PCDHA4: variants seen among roughly 807,000 people sequenced by gnomAD.
PCDHA4 encodes the protein protocadherin alpha 4, also known as protocadherin alpha-4.
Under a neutral mutation model 61.4 loss-of-function variants are expected in PCDHA4, and 49 were observed. That is an observed-to-expected ratio of 0.80 (90% CI 0.63 to 1.01). The LOEUF (loss-of-function observed/expected upper bound fraction) is 1.01. PCDHA4 is among the 50% of genes least tolerant of loss of function. PCDHA4 has a pLI of 0.00. For synonymous variants in PCDHA4, 590 were observed against 550.3 expected (o/e 1.07, Z -1.01); for missense variants, 1,254 against 1,235.8 (o/e 1.01, Z -0.22).
intron 3 of PCDHA4, among the ~76,000 whole-genome samples, chr5:141,006,808 A>T (rs576819521): frequency 1.3e-5 from 2 of 152,322 alleles, no homozygotes; most frequent in East Asian, 3.9e-4. Flanking sequence ...TTCTGGCTTG[A>T]GAAATGGGGT....
intron 3 of PCDHA4, among the ~76,000 whole-genome samples, chr5:140,997,728 A>G (rs1376007377): frequency 6.6e-6 from 1 of 152,030 alleles, no homozygotes; most frequent in Non-Finnish European, 1.5e-5. Flanking sequence ...ACGTCAGTAC[A>G]TATAGATTTG....
chr5:141,002,918 GAACACCCTCC>G (rs1554258833), intron 3 of PCDHA4, among the ~76,000 whole-genome samples: 1 of 152,192 alleles, frequency 6.6e-6, no homozygotes, highest in Non-Finnish European at 1.5e-5. Flanking sequence ...TCAGAAAAGT[GAACACCCTCC>G]AACACCCTCC....
Position 140,807,427 on chromosome 5 carries a change from G to A in PCDHA4, c.240G>A (p.Gln80=). Residue 80 remains glutamine (Q), a synonymous_variant, in exon 1 of 4, where the codon CAG becomes CAA. Transcript: ENST00000530339. ...GRGGLLEVNL[Q]NGILFVNSRI... ...GAGGCCTTCTGGAGGTAAATCTGCA[G>A]AATGGCATTTTGTTTGTGAATTCTC... 1 of 1,596,236 alleles carries A rather than the reference G, an allele frequency of 6.3e-7. No homozygotes were observed. Among genetic ancestry groups the A allele is most frequent in the Non-Finnish European group, 8.5e-7 (1 of 1,173,108 alleles).
At chr5:140,915,096 C>T (rs530875134) in intron 1 of PCDHA4, among the ~76,000 whole-genome samples, 1 of 152,060 alleles carries the variant, frequency 6.6e-6, no homozygotes, top group Admixed American at 6.5e-5. Context: ...TGGGCACGCA[C>T]CACCACAACA....
At chr5:140,930,553 A>C (rs1252554591) in intron 1 of PCDHA4, 1 of 152,562 alleles carries the variant, frequency 6.6e-6, no homozygotes, top group Non-Finnish European at 1.5e-5. Flanking sequence ...TTAGGACAAC[A>C]TTTTGAAGCA....
intron 1 of PCDHA4, among the ~76,000 whole-genome samples, chr5:140,846,706 T>C (rs1780634122): frequency 6.7e-6 from 1 of 149,360 alleles, no homozygotes. Context: ...GAGAAGATTG[T>C]AATAACCAGT....
intron 1 of PCDHA4, among the ~76,000 whole-genome samples, chr5:140,887,453 T>C (rs2061454477): frequency 6.6e-6 from 1 of 152,178 alleles, no homozygotes; most frequent in Non-Finnish European, 1.5e-5. Flanking sequence ...TGACAGTTTT[T>C]TAAAAGATAT....
chr5:140,829,740 C>T (rs2150173718), intron 1 of PCDHA4: 2 of 1,613,670 alleles, frequency 1.2e-6, no homozygotes, highest in South Asian at 1.1e-5. Context: ...AGCAACGTGA[C>T]GCTGCAGGTG....
intron 1 of PCDHA4, among the ~76,000 whole-genome samples, chr5:140,854,874 G>A (rs1554147476): frequency 6.7e-6 from 1 of 149,752 alleles, no homozygotes; most frequent in African/African-American, 2.4e-5. Context: ...TCAGAACTGT[G>A]TCTTTTGGGC....
At position 140,937,140 on chromosome 5, in the gene PCDHA4, C is replaced by T. The variant is rs553273845; in HGVS notation, c.2386-41809C>T. Among the ~76,000 whole-genome samples, 820 of 151,358 alleles carry T rather than the reference C, an allele frequency of 5.4e-3. 1 individual carries two copies. The highest frequency in any genetic ancestry group is 0.019 in the African/African-American group (789 of 41,228). On this transcript the variant is annotated intron_variant, in intron 1 of 3. Transcript: ENST00000530339. Reference sequence around the variant, plus strand: ...GCAAGCTCCGCCTCCCGGGTTCATGCCATTCTCCTGCCTCAGCCTCCCGAG... The same window carrying T: ...GCAAGCTCCGCCTCCCGGGTTCATGTCATTCTCCTGCCTCAGCCTCCCGAG...
chr5:140,997,018 A>AT (rs1162959481), intron 3 of PCDHA4, among the ~76,000 whole-genome samples: 3 of 151,882 alleles, frequency 2.0e-5, no homozygotes, highest in Admixed American at 1.3e-4. Flanking sequence ...ATCCTCCAAT[A>AT]TTTTTTTGAA....
At chr5:140,839,261 T>A (rs1477628159) in intron 1 of PCDHA4, among the ~76,000 whole-genome samples, 1 of 152,104 alleles carries the variant, frequency 6.6e-6, no homozygotes, top group African/African-American at 2.4e-5. Context: ...CTTACATGCA[T>A]GTATATTTAA....
rs782026526 is a variant in PCDHA4, at chr5:140,857,844, ACT to A, written c.2385+48275_2385+48276del. The stretch of plus-strand genomic sequence containing the variant: ...GCTAAGGTGCGCGCAGTGGACGCTG[ACT>A]CTGGATACAACGCGTGGCTGTCGTA... On this transcript the variant is annotated intron_variant, in intron 1 of 3. Transcript: ENST00000530339. 1.0e-5 allele frequency: 16 copies of A among 1,596,614 alleles called. No homozygotes were observed. In the Admixed American group the frequency reaches 1.2e-4, roughly 12 times the overall value.
intron 1 of PCDHA4, among the ~76,000 whole-genome samples, chr5:140,896,345 C>T (rs113477424): frequency 0.12 from 18,881 of 152,098 alleles, 1,242 homozygotes; most frequent in Middle Eastern, 0.19. Flanking sequence ...TTTATATTCC[C>T]GCCAGCAGTG....
Position 140,884,432 on chromosome 5 carries a change from C to A in PCDHA4, c.2385+74860C>A, listed in dbSNP as rs782413139. ...CACGTTGCTGCTGTATACTGCGCTG[C>A]GGTGCTCGGCACCGCCCACCGAGGG... On this transcript the variant is annotated intron_variant, in intron 1 of 3. Coordinates refer to ENST00000530339, the MANE Select transcript of PCDHA4 (RefSeq NM_018907.4). The A allele has an allele frequency of 4.3e-6, 7 of 1,613,764 alleles. No individual in the cohort carries two copies. The highest frequency in any genetic ancestry group is 5.1e-6 in the Non-Finnish European group (6 of 1,179,866).
intron 1 of PCDHA4, among the ~76,000 whole-genome samples, chr5:140,886,681 C>T (rs1184298079): frequency 1.3e-5 from 2 of 151,832 alleles, no homozygotes; most frequent in Admixed American, 6.6e-5. Context: ...CAAAAATTAG[C>T]GAGGCATGGT....
intron 1 of PCDHA4, among the ~76,000 whole-genome samples, chr5:140,874,637 AC>A (rs1177845104): frequency 4.6e-5 from 7 of 152,256 alleles, no homozygotes; most frequent in African/African-American, 1.7e-4. Flanking sequence ...AAAGTGCTTT[AC>A]TTTTGCTAGA....
At position 140,808,664 on chromosome 5, in the gene PCDHA4, T is replaced by C. The variant is rs1554124680; in HGVS notation, c.1477T>C (p.Ser493Pro). ...GCAGGAGAACGCGCTGGTGTCCTACTCGCTGGTAGAGCGGCGGGTAGGGGA... is the reference window on the plus strand; with the variant it reads ...GCAGGAGAACGCGCTGGTGTCCTACCCGCTGGTAGAGCGGCGGGTAGGGGA... ...DAQENALVSYSLVERRVGERA... is the reference protein window; with the variant it reads ...DAQENALVSYPLVERRVGERA... Residue 493 changes from serine (S) to proline (P), a missense_variant, in exon 1 of 4, where the codon TCG (serine) becomes CCG (proline). Physicochemically the swap from Ser to Pro is moderately conservative, Grantham distance 74. Transcript: ENST00000530339. The C allele has an allele frequency of 3.7e-6, 6 of 1,613,026 alleles. No individual in the cohort carries two copies. Among genetic ancestry groups the C allele is most frequent in the Non-Finnish European group, 5.1e-6 (6 of 1,179,870 alleles).
intron 1 of PCDHA4, among the ~76,000 whole-genome samples, chr5:140,846,195 A>G (rs2150385667): frequency 6.7e-6 from 1 of 149,594 alleles, no homozygotes; most frequent in Admixed American, 6.7e-5. Context: ...AGTTCTTTGT[A>G]TGTATGAGAT....
Sources: allele counts gnomAD v4.1 joint callset (sites outside exome capture counted in the v4.1 genomes callset), GRCh38; gene constraint gnomAD v4.1.1; transcripts MANE v1.5; gene names NCBI Gene and HGNC (gene_info 2026-07-23, HGNC 2026-07-21).